The following HSPG2 variants were observed in gnomAD, a reference collection of about 807,000 sequenced individuals.
HSPG2 encodes heparan sulfate proteoglycan 2.
In HSPG2, 278 loss-of-function variants were observed where a neutral mutation model predicts 526.6. The observed-to-expected ratio is 0.53, with a 90% CI of 0.48 to 0.58. HSPG2 has a LOEUF of 0.58. Among genes scored for constraint, HSPG2 ranks in the 20% least tolerant of loss-of-function variants. The pLI is 0.00. For synonymous variants in HSPG2, 2,465 were observed against 2,555.4 expected, an observed-to-expected ratio of 0.96 and a Z score of 1.07; for missense variants, 5,354 against 6,099.5, an observed-to-expected ratio of 0.88 and a Z score of 4.07.
chr1:21,865,949 G>A lies in HSPG2; in HGVS notation c.4222-140C>T. The A allele has an allele frequency of 1.4e-6, 1 of 698,348 alleles. No individual in the cohort carries two copies. Among genetic ancestry groups the A allele is most frequent in the East Asian group, 2.7e-5 (1 of 37,066 alleles). The allele number at this position is 698,348 out of a possible 1,614,324, so 43.3% of individuals were successfully genotyped here. ...ACCCCCCTCCCTGCCCAAACCAAGA[G>A]GCCAGGGTGCATGGTTGCCTGGGAA... On this transcript the variant is annotated intron_variant, in intron 33 of 96. Coordinates refer to ENST00000374695, the MANE Select transcript of HSPG2 (RefSeq NM_005529.7). This position sits in a 1 kb window ranked among gnomAD's most constrained non-coding sequence, Gnocchi z 5.4.
chr1:21,927,252 G>A (rs1273450570), intron 1 of HSPG2, among the ~76,000 whole-genome samples: 1 of 151,908 alleles, frequency 6.6e-6, no homozygotes, highest in African/African-American at 2.4e-5. Context: ...ACACCTAGGT[G>A]TGACCCGCCT....
rs186529963 is a variant in HSPG2, at chr1:21,847,613, C to T, written c.8025+76G>A. 89 of 1,606,018 alleles carry T rather than the reference C, an allele frequency of 5.5e-5. No individual in the cohort carries two copies. In the African/African-American group the frequency reaches 6.8e-4, roughly 12 times the overall value. ...CTATCGGTCTACCCAGGGCCCAATC[C>T]GTGAGACAGGGAGCCTGCTCTGCTC... On this transcript the variant is annotated intron_variant, in intron 61 of 96. Coordinates refer to ENST00000374695, the MANE Select transcript of HSPG2 (RefSeq NM_005529.7). This position sits in a 1 kb window ranked among gnomAD's most constrained non-coding sequence, Gnocchi z 4.1.
At chr1:21,888,268 C>G (rs1156253699) in intron 6 of HSPG2, among the ~76,000 whole-genome samples, 1 of 152,210 alleles carries the variant, frequency 6.6e-6, no homozygotes, top group Non-Finnish European at 1.5e-5. Context: ...GTGGCCTCCC[C>G]CATCTCTAAA....
At chr1:21,934,144 A>C (rs1316640411) in intron 1 of HSPG2, among the ~76,000 whole-genome samples, 1 of 152,178 alleles carries the variant, frequency 6.6e-6, no homozygotes, top group Non-Finnish European at 1.5e-5. Context: ...ACCCACACTT[A>C]ATCACAGATC....
intron 33 of HSPG2, among the ~76,000 whole-genome samples, chr1:21,869,143 A>G (rs548550662): frequency 1.3e-5 from 2 of 152,272 alleles, no homozygotes; most frequent in East Asian, 3.9e-4. Context: ...TCTTTGGACG[A>G]CTTTCTTCCC....
Position 21,896,329 on chromosome 1 carries a change from T to C in HSPG2, c.64-19A>G, listed in dbSNP as rs1334439291. On this transcript the variant is annotated intron_variant, in intron 1 of 96. Coordinates refer to ENST00000374695, the MANE Select transcript of HSPG2 (RefSeq NM_005529.7). ...GGGTCACCTGTAAGCAAACGAGAGC[T>C]GATTGAGTCACTCTCTCCAGCTCCC... 2 of 1,611,026 alleles carry C rather than the reference T, an allele frequency of 1.2e-6. No individual in the cohort carries two copies. The highest frequency in any genetic ancestry group is 1.7e-6 in the Non-Finnish European group (2 of 1,179,954).
Position 21,890,214 on chromosome 1 carries a change from G to A in HSPG2, c.414-73C>T, listed in dbSNP as rs539476749. The stretch of plus-strand genomic sequence containing the variant: ...TTCTCAGCTCCTCCATGAGGCTCCC[G>A]CCCCGACGCTCAGGCCCTGTTCCGG... On this transcript the variant is annotated intron_variant, in intron 5 of 96. Coordinates refer to ENST00000374695, the MANE Select transcript of HSPG2 (RefSeq NM_005529.7). The surrounding 1 kb of genome is among the most constrained non-coding windows in gnomAD (Gnocchi z 4.1). The A allele has an allele frequency of 1.1e-4, 168 of 1,565,856 alleles. No homozygotes were observed. Among genetic ancestry groups the A allele is most frequent in the South Asian group, 1.3e-4 (12 of 90,160 alleles).
In HSPG2 at chr1:21,852,210, C is replaced by T. The variant is rs1572227825; in HGVS notation, c.6748G>A (p.Glu2250Lys). ...TCGGCCACTGTGGAGGATGAAGACT[C>T]GATCCTGACAGGTGGGATGGGTCCT... ...IPGPIPPVRI[E>K]SSSSTVAEGQ... Residue 2250 changes from glutamate to lysine, a missense_variant, in exon 53 of 97, where the codon GAG becomes AAG. Physicochemically the swap from Glu to Lys is moderately conservative, Grantham distance 56. Coordinates refer to ENST00000374695, the MANE Select transcript of HSPG2 (RefSeq NM_005529.7). 1.9e-6 allele frequency: 3 copies of T among 1,614,102 alleles called. No homozygotes were observed. The highest frequency in any genetic ancestry group is 2.2e-5 in the East Asian group (1 of 44,886).
Position 21,887,462 on chromosome 1 carries a change from C to T in HSPG2, c.916G>A (p.Gly306Arg), listed in dbSNP as rs149899316. The T allele has an allele frequency of 3.2e-5, 52 of 1,613,920 alleles. No homozygotes were observed. The highest frequency in any genetic ancestry group is 1.6e-4 in the Middle Eastern group (1 of 6,080). ...CTGCCGTCCTCGCAGTCCTCCTGTC[C>T]GTCGCAGAGGTAGTCTCTGGGGATG... ...HCIPRDYLCD[G>R]QEDCEDGSDE... is the part of the protein sequence containing the mutation. The change falls in exon 8 of 97, where the codon GGA (glycine) becomes AGA (arginine). Residue 306 changes from glycine (G) to arginine (R), a missense_variant. By Grantham distance (125) the Gly-to-Arg change is moderately radical. Transcript: ENST00000374695. This position sits in a 1 kb window ranked among gnomAD's most constrained non-coding sequence, Gnocchi z 5.0.
intron 1 of HSPG2, among the ~76,000 whole-genome samples, chr1:21,900,950 A>G (rs890671509): frequency 6.6e-6 from 1 of 152,106 alleles, no homozygotes; most frequent in East Asian, 1.9e-4. Context: ...GAAGCTATTC[A>G]GAGTGTGTTC....
chr1:21,917,484 A>AAT (rs1426698595), intron 1 of HSPG2, among the ~76,000 whole-genome samples: 2 of 147,748 alleles, frequency 1.4e-5, no homozygotes, highest in African/African-American at 2.5e-5. Flanking sequence ...TAAATAAATA[A>AAT]AAATAAAAGA....
At chr1:21,930,896 C>G (rs979997802) in intron 1 of HSPG2, among the ~76,000 whole-genome samples, 2 of 152,196 alleles carry the variant, frequency 1.3e-5, no homozygotes, top group African/African-American at 4.8e-5. Context: ...TCATTCAACA[C>G]ACTCTGCAAG....
In HSPG2 at chr1:21,847,216, C is replaced by T. The variant is rs1638507628; in HGVS notation, c.8164+138G>A. 6.7e-6 allele frequency: 6 copies of T among 893,400 alleles called. No homozygotes were observed. Among genetic ancestry groups the T allele is most frequent in the Middle Eastern group, 2.2e-4 (1 of 4,624 alleles). 55.3% of individuals were successfully genotyped at this position (893,400 alleles called of 1,614,324 possible). Reference sequence around the variant, plus strand: ...TTTGAAATGTTAGAAATGGGGTAGCCGTAGCCACTGAACCCACGCATCTTT... The same window carrying T: ...TTTGAAATGTTAGAAATGGGGTAGCTGTAGCCACTGAACCCACGCATCTTT... On this transcript the variant is annotated intron_variant, in intron 62 of 96. Transcript: ENST00000374695. The surrounding 1 kb of genome is among the most constrained non-coding windows in gnomAD (Gnocchi z 4.1).
At chr1:21,888,178 G>A (rs1242680983) in intron 6 of HSPG2, 112 bp from the exon 7 acceptor site, 41 of 1,446,624 alleles carry the variant, frequency 2.8e-5, no homozygotes, top group Middle Eastern at 2.4e-4. Context: ...CAGGCAGCTC[G>A]GTTTCTGGCA....
At position 21,884,637 on chromosome 1, in the gene HSPG2, G is replaced by A. The variant is rs546923274; in HGVS notation, c.1545C>T (p.Ser515=). 1.1e-5 allele frequency: 18 copies of A among 1,611,676 alleles called. No individual in the cohort carries two copies. Among genetic ancestry groups the A allele is most frequent in the East Asian group, 1.1e-4 (5 of 44,870 alleles). ...AGCAGAAGCAGGGCAGGCAGGCGGC[G>A]CTGTGCTCCAGGTAGAAGTGGCCGT... ...CPDGHFYLEH[S]AACLPCFCFG... The change falls in exon 13 of 97, where the codon AGC becomes AGT. Residue 515 remains serine (S), a synonymous_variant. Coordinates refer to ENST00000374695, the MANE Select transcript of HSPG2 (RefSeq NM_005529.7).
chr1:21,861,869 G>A (rs1333227954), intron 38 of HSPG2, 26 bp from the exon 39 acceptor site: 2 of 1,613,378 alleles, frequency 1.2e-6, no homozygotes, highest in Non-Finnish European at 1.7e-6. Context: ...CAAAGGTCAG[G>A]TCATGGGAAG....
At position 21,874,552 on chromosome 1, in the gene HSPG2, A is replaced by C. The variant is rs759165365; in HGVS notation, c.3529-19T>G. 11 of 1,613,448 alleles carry C rather than the reference A, an allele frequency of 6.8e-6. No individual in the cohort carries two copies. In the South Asian group the frequency reaches 7.7e-5, roughly 11 times the overall value. ...GGCAGCCCTGGAGGAGCAGGATGTGAGTTGAGGCTGGGCCTCCAGAGGCCA... is the reference window on the plus strand; with the variant it reads ...GGCAGCCCTGGAGGAGCAGGATGTGCGTTGAGGCTGGGCCTCCAGAGGCCA... On this transcript the variant is annotated intron_variant, in intron 27 of 96. Transcript: ENST00000374695.
intron 1 of HSPG2, among the ~76,000 whole-genome samples, chr1:21,935,917 G>A (rs1644476799): frequency 6.6e-6 from 1 of 152,066 alleles, no homozygotes; most frequent in Admixed American, 6.5e-5. Flanking sequence ...GAAGTGCTGG[G>A]TGGGTGGGGC....
At chr1:21,889,393 T>A (rs976705038) in intron 6 of HSPG2, among the ~76,000 whole-genome samples, 6 of 152,214 alleles carry the variant, frequency 3.9e-5, no homozygotes, top group African/African-American at 1.4e-4. Flanking sequence ...AACCGCTGTG[T>A]GGCTTTGGAC....
Sources: gnomAD v4.1 joint callset for allele counts (sites outside exome capture counted in the v4.1 genomes callset) on GRCh38, gnomAD v4.1.1 for gene constraint, Gnocchi (gnomAD v3.1) non-coding constraint, MANE v1.5 for transcripts, NCBI Gene and HGNC (gene_info 2026-07-23, HGNC 2026-07-21) for gene names.